PSPC1: variants seen among roughly 807,000 people sequenced by gnomAD.
The protein encoded by PSPC1 is paraspeckle protein 1.
PSPC1 carries 14 observed loss-of-function variants against 51.6 expected under a neutral mutation model. The observed-to-expected ratio is 0.27, with a 90% confidence interval of 0.18 to 0.42. The LOEUF (loss-of-function observed/expected upper bound fraction) is 0.42, where lower values mean the gene tolerates loss of function less well. PSPC1 is among the 10% of genes least tolerant of loss of function. The probability of loss-of-function intolerance (pLI) is 1.00; values close to 1 mark genes in which losing one functional copy is unlikely to be tolerated. For synonymous variants in PSPC1, 193 were observed against 231.9 expected (o/e 0.83, Z 1.53); for missense variants, 406 against 701.1 (o/e 0.58, Z 4.75).
chr13:19,782,722 A>G lies in PSPC1; in HGVS notation c.36T>C (p.Ile12=). 1 of 1,568,570 alleles carries G rather than the reference A, an allele frequency of 6.4e-7. No individual in the cohort carries two copies. The highest frequency in any genetic ancestry group is 2.4e-5 in the East Asian group (1 of 40,950). The change falls in exon 1 of 9, where the codon ATT becomes ATC. Residue 12 remains isoleucine, a synonymous_variant. Transcript: ENST00000338910. The surrounding 1 kb of genome is among the most constrained non-coding windows in gnomAD (Gnocchi z 4.5). ...CGCGAAGGCGGGCCGGGTTTTTCTC[A>G]ATGCGCACTTGCTTCAGGTTTCCTC... ...MLRGNLKQVR[I]EKNPARLRAL... is the part of the protein sequence containing the mutation.
At chr13:19,781,132 C>T (rs1045067184) in intron 1 of PSPC1, among the ~76,000 whole-genome samples, 1 of 142,278 alleles carries the variant, frequency 7.0e-6, no homozygotes, top group Admixed American at 7.2e-5. Flanking sequence ...GGTGATAGAG[C>T]GAGACCCAGT....
chr13:19,782,196 G>C lies in PSPC1; in HGVS notation c.372+190C>G, dbSNP rs1054901668. Among the ~76,000 whole-genome samples the C allele has an allele frequency of 1.3e-5, 2 of 152,228 alleles. No homozygotes were observed. Among genetic ancestry groups the C allele is most frequent in the African/African-American group, 4.8e-5 (2 of 41,456 alleles). On this transcript the variant is annotated intron_variant, in intron 1 of 8. Coordinates refer to ENST00000338910, the MANE Select transcript of PSPC1 (RefSeq NM_001354909.2). This position sits in a 1 kb window ranked among gnomAD's most constrained non-coding sequence, Gnocchi z 4.5. ...TGTGAGCGCAGGAAATCCCGGGACCGTGAACTCGAAACCAAAGGCGCCGAG... is the reference window on the plus strand; with the variant it reads ...TGTGAGCGCAGGAAATCCCGGGACCCTGAACTCGAAACCAAAGGCGCCGAG...
intron 6 of PSPC1, among the ~76,000 whole-genome samples, chr13:19,721,963 T>G (rs1019772261): frequency 2.6e-5 from 4 of 152,230 alleles, no homozygotes; most frequent in Non-Finnish European, 4.4e-5. Flanking sequence ...GGCATTAATA[T>G]TCAATAAATG....
chr13:19,677,232 CAA>C (rs144841164), intron 7 of PSPC1, among the ~76,000 whole-genome samples: 80,252 of 118,724 alleles, frequency 0.68, 26,821 homozygotes, highest in East Asian at 0.85. Flanking sequence ...GACTCCGTCT[CAA>C]AAAAAAAAAA....
intron 2 of PSPC1, among the ~76,000 whole-genome samples, chr13:19,770,733 G>A (rs1189627369): frequency 6.6e-6 from 1 of 151,248 alleles, no homozygotes; most frequent in Non-Finnish European, 1.5e-5. Flanking sequence ...CATCTCAAAA[G>A]AAAAAAATAC....
At chr13:19,682,213 T>TA (rs1266576751) in intron 6 of PSPC1, among the ~76,000 whole-genome samples, 1 of 152,178 alleles carries the variant, frequency 6.6e-6, no homozygotes, top group Admixed American at 6.5e-5. Flanking sequence ...GATGTTTTAA[T>TA]AAAAAAGTTG....
chr13:19,760,861 G>A (rs1430929007), intron 2 of PSPC1, among the ~76,000 whole-genome samples: 2 of 151,984 alleles, frequency 1.3e-5, no homozygotes, highest in Admixed American at 6.6e-5. Flanking sequence ...GGTGGTGCAC[G>A]CCTGTAATCC....
At chr13:19,754,453 CTTTTT>C (rs67371116) in intron 3 of PSPC1, among the ~76,000 whole-genome samples, 2 of 122,542 alleles carry the variant, frequency 1.6e-5, no homozygotes, top group Non-Finnish European at 1.8e-5. Flanking sequence ...TAACTAACTC[CTTTTT>C]TTTTTTTTTT....
In PSPC1 at chr13:19,720,077, C is replaced by T. The variant is rs140052507; in HGVS notation, c.1158+10162G>A. Among the ~76,000 whole-genome samples, 41 of 152,148 alleles carry T rather than the reference C, an allele frequency of 2.7e-4. No individual in the cohort carries two copies. The East Asian group carries it at 3.5e-3, about 13-fold the overall frequency. ...CACTCTGAAGAGGTGCTTTTAAAAC[C>T]TAAAATTGATTAATAGTATTTAATT... On this transcript the variant is annotated intron_variant, in intron 6 of 8. Transcript: ENST00000338910.
Position 19,705,284 on chromosome 13 carries a change from G to A in PSPC1, c.1386+378C>T, listed in dbSNP as rs1355046306. ...CCGAGGCGGGCGGATCACGAGGTCA[G>A]GAGTTTGAGACCAGCCTGGCCAACA... On this transcript the variant is annotated intron_variant, in intron 8 of 8. Coordinates refer to ENST00000338910, the MANE Select transcript of PSPC1 (RefSeq NM_001354909.2). Among the ~76,000 whole-genome samples the A allele has an allele frequency of 5.3e-5, 8 of 152,346 alleles. No homozygotes were observed. The East Asian group carries it at 1.5e-3, about 29-fold the overall frequency.
intron 1 of PSPC1, among the ~76,000 whole-genome samples, chr13:19,776,083 G>A (rs190739531): frequency 3.3e-5 from 5 of 151,978 alleles, no homozygotes; most frequent in African/African-American, 9.6e-5. Context: ...AGAATAGGAA[G>A]AAATATGAAG....
At position 19,782,920 on chromosome 13, in the gene PSPC1, C is replaced by G; in HGVS notation, c.-163G>C. On this transcript the variant is annotated 5_prime_UTR_variant, in exon 1 of 9. Transcript: ENST00000338910. The surrounding 1 kb of genome is among the most constrained non-coding windows in gnomAD (Gnocchi z 4.5). ...AACCCGTCCTCCCCCAACTCACGCCCGCTGCAGCTGCACATTCAAAATGGC... is the reference window on the plus strand; with the variant it reads ...AACCCGTCCTCCCCCAACTCACGCCGGCTGCAGCTGCACATTCAAAATGGC... The G allele has an allele frequency of 4.4e-6, 3 of 686,060 alleles. No homozygotes were observed. The highest frequency in any genetic ancestry group is 3.1e-5 in the East Asian group (1 of 32,352). 42.5% of individuals were successfully genotyped at this position (686,060 alleles called of 1,614,324 possible).
chr13:19,699,183 AC>A (rs1243005487), downstream of PSPC1, among the ~76,000 whole-genome samples: 15 of 152,008 alleles, frequency 9.9e-5, no homozygotes, highest in Middle Eastern at 3.4e-3. Flanking sequence ...AGAAGACACT[AC>A]TTTTGATATT....
chr13:19,707,873 C>T (rs1880902481), intron 7 of PSPC1, among the ~76,000 whole-genome samples: 1 of 151,978 alleles, frequency 6.6e-6, no homozygotes, highest in Non-Finnish European at 1.5e-5. Context: ...TCCTAAAATC[C>T]TTAAAATTAC....
chr13:19,689,694 G>T (rs1027671923), intron 6 of PSPC1, among the ~76,000 whole-genome samples: 30 of 152,082 alleles, frequency 2.0e-4, no homozygotes, highest in Non-Finnish European at 1.6e-4. Context: ...AGAGAGCCCA[G>T]GATGCTGAAA....
chr13:19,755,217 C>T (rs1400848376), intron 3 of PSPC1, among the ~76,000 whole-genome samples: 1 of 150,494 alleles, frequency 6.6e-6, no homozygotes, highest in African/African-American at 2.5e-5. Context: ...GTCTGGGCAA[C>T]AGGGCCAGAC....
At chr13:19,705,148 T>C (rs926829288) in intron 8 of PSPC1, among the ~76,000 whole-genome samples, 1 of 152,266 alleles carries the variant, frequency 6.6e-6, no homozygotes, top group African/African-American at 2.4e-5. Context: ...ATTTGCTATA[T>C]ACTGAGGTAC....
chr13:19,776,537 G>C (rs1014776691), intron 1 of PSPC1, among the ~76,000 whole-genome samples: 8 of 151,422 alleles, frequency 5.3e-5, no homozygotes, highest in Middle Eastern at 3.4e-3. Context: ...TTTTGAGATG[G>C]AGTCTCACTC....
Position 19,767,103 on chromosome 13 carries a change from G to GT in PSPC1, c.674+5138dup, listed in dbSNP as rs564715422. Among the ~76,000 whole-genome samples the GT allele has an allele frequency of 1.2e-3, 177 of 151,920 alleles. 3 individuals carry two copies. The East Asian group carries it at 0.025, about 21-fold the overall frequency. ...GCAGGCACATCACCTAAGGCCAAGAGTTCAAGACCAGCCTAGCCAACATGG... is the reference window on the plus strand; with the variant it reads ...GCAGGCACATCACCTAAGGCCAAGAGTTTCAAGACCAGCCTAGCCAACATGG... On this transcript the variant is annotated intron_variant, in intron 2 of 8. Transcript: ENST00000338910.
Sources: allele counts gnomAD v4.1 joint callset (sites outside exome capture counted in the v4.1 genomes callset), GRCh38; gene constraint gnomAD v4.1.1; non-coding constraint Gnocchi (gnomAD v3.1); transcripts MANE v1.5; gene names NCBI Gene and HGNC (gene_info 2026-07-23, HGNC 2026-07-21).